The following PER1 variants were observed in gnomAD, a reference collection of about 807,000 sequenced individuals.
PER1 encodes period circadian protein homolog 1.
PER1 carries 87 observed loss-of-function variants against 125.9 expected under a neutral mutation model. The ratio of observed to expected loss-of-function variants is 0.69; its 90% CI spans 0.58 to 0.83. The LOEUF (loss-of-function observed/expected upper bound fraction) is 0.83, where lower values mean the gene tolerates loss of function less well. PER1 is among the 40% of genes least tolerant of loss of function. The probability of loss-of-function intolerance (pLI) is 0.00; values close to 1 mark genes in which losing one functional copy is unlikely to be tolerated. For synonymous variants in PER1, 801 were observed against 714.7 expected, an observed-to-expected ratio of 1.12 and a Z score of -1.93; for missense variants, 1,775 against 1,722.8, an observed-to-expected ratio of 1.03 and a Z score of -0.54.
At chr17:8,145,624 C>T (rs901608242) in intron 17 of PER1, among the ~76,000 whole-genome samples, 2 of 152,076 alleles carry the variant, frequency 1.3e-5, no homozygotes, top group African/African-American at 4.8e-5. Flanking sequence ...ATGCCCAGCC[C>T]CTCATGATTT....
chr17:8,144,869 G>A lies in PER1; in HGVS notation c.2343C>T (p.Ala781=), dbSNP rs537123990. The change falls in exon 18 of 23, where the codon GCC becomes GCT. Residue 781 remains alanine (A), a synonymous_variant. Transcript: ENST00000317276. ...DAYRPVGLTK[A]VLSLHTQKEE... ...CCTTCTGTGTGTGCAGGGACAGCACGGCCTTGGTCAGCCCCACTGGACGGT... is the reference window on the plus strand; with the variant it reads ...CCTTCTGTGTGTGCAGGGACAGCACAGCCTTGGTCAGCCCCACTGGACGGT... The A allele has an allele frequency of 3.8e-6, 6 of 1,580,314 alleles. No homozygotes were observed. The Admixed American group carries it at 5.2e-5, about 14-fold the overall frequency.
At position 8,148,222 on chromosome 17, in the gene PER1, C is replaced by T. The variant is rs767551057; in HGVS notation, c.1086G>A (p.Thr362=). 1.3e-5 allele frequency: 21 copies of T among 1,613,960 alleles called. 1 individual carries two copies. Among genetic ancestry groups the T allele is most frequent in the East Asian group, 4.5e-5 (2 of 44,880 alleles). ...RIPPDKRIFT[T]RHTPSCLFQD... is the part of the protein sequence containing the mutation. Reference sequence around the variant, plus strand: ...GGAAGAGGCAGCTGGGTGTGTGCCGCGTAGTGAAAATCCTCTTGTCAGGGG... The same window carrying T: ...GGAAGAGGCAGCTGGGTGTGTGCCGTGTAGTGAAAATCCTCTTGTCAGGGG... The change falls in exon 9 of 23, where the codon ACG becomes ACA. Residue 362 remains threonine (T), a synonymous_variant. Transcript: ENST00000317276.
rs1982259741 is a variant in PER1 at position 8,143,879 on chromosome 17, G to A, written c.2462-3C>T. 3 of 1,605,162 alleles carry A rather than the reference G, an allele frequency of 1.9e-6. No homozygotes were observed. Among genetic ancestry groups the A allele is most frequent in the African/African-American group, 1.3e-5 (1 of 74,780 alleles). ...GGGTGCGGGGCCGTGGTGGCAGCCT[G>A]TGGGGAGAGACTAGGGTTAGCAAGG... is the stretch of plus-strand genomic sequence containing the variant. On this transcript the variant is annotated splice_polypyrimidine_tract_variant and splice_region_variant and intron_variant, in intron 18 of 22. Coordinates refer to ENST00000317276, the MANE Select transcript of PER1 (RefSeq NM_002616.3).
At position 8,144,831 on chromosome 17, in the gene PER1, A is replaced by T; in HGVS notation, c.2381T>A (p.Phe794Tyr). 1 of 1,586,286 alleles carries T rather than the reference A, an allele frequency of 6.3e-7. No individual in the cohort carries two copies. The part of the protein sequence containing the change: ...SLHTQKEEQA[F>Y]LSRFRDLGRL... Reference sequence around the variant, plus strand: ...GCCCAGGTCTCGGAAGCGGCTGAGGAAGGCTTGCTCTTCCTTCTGTGTGTG... The same window carrying T: ...GCCCAGGTCTCGGAAGCGGCTGAGGTAGGCTTGCTCTTCCTTCTGTGTGTG... The change falls in exon 18 of 23, where the codon TTC becomes TAC. Residue 794 changes from phenylalanine to tyrosine, a missense_variant. Coordinates refer to ENST00000317276, the MANE Select transcript of PER1 (RefSeq NM_002616.3).
intron 1 of PER1, among the ~76,000 whole-genome samples, chr17:8,151,355 G>A (rs760354298): frequency 6.6e-6 from 1 of 152,246 alleles, no homozygotes. Flanking sequence ...GGTTGCTGGA[G>A]GGACCACAGG....
At chr17:8,148,321 A>G (rs10462024) in intron 8 of PER1, 62 bp from the exon 9 acceptor site, 546,384 of 1,365,092 alleles carry the variant, frequency 0.4, 114,865 homozygotes, top group South Asian at 0.52. Context: ...TCAGCCCTCC[A>G]CTCTGCCTGG....
chr17:8,145,049 C>A (rs1982343176), intron 17 of PER1, 56 bp from the exon 18 acceptor site: 7 of 1,390,542 alleles, frequency 5.0e-6, no homozygotes, highest in Non-Finnish European at 6.5e-6. Context: ...GTCAACACAT[C>A]CATACCACAC....
chr17:8,142,684 G>A lies in PER1; in HGVS notation c.3224C>T (p.Ser1075Phe), dbSNP rs1430949545. 3.1e-6 allele frequency: 5 copies of A among 1,614,012 alleles called. No individual in the cohort carries two copies. The highest frequency in any genetic ancestry group is 2.2e-5 in the South Asian group (2 of 91,084). Residue 1075 changes from serine (S) to phenylalanine (F), a missense_variant, in exon 20 of 23, where the codon TCC (serine) becomes TTC (phenylalanine). Coordinates refer to ENST00000317276, the MANE Select transcript of PER1 (RefSeq NM_002616.3). ...GGCTGAGGTGCTGCCCCCTTCATGG[G>A]AGCCTGAACCAGACCCAGAGCCCAA... ...SGLGSGSGSG[S>F]HEGGSTSASI...
rs769308478 is a variant in PER1, at chr17:8,147,527, G to A, written c.1440C>T (p.Pro480=). The A allele has an allele frequency of 6.2e-7, 1 of 1,613,788 alleles. No homozygotes were observed. The highest frequency in any genetic ancestry group is 1.3e-5 in the African/African-American group (1 of 74,916). ...VFTPPAPSPA[P]SLDTDIQELS... is the part of the protein sequence containing the mutation. ...GCTCCTGGATATCAGTGTCCAGGGAGGGAGCTGGGCTGGGGGCCGGGGGAG... is the reference window on the plus strand; with the variant it reads ...GCTCCTGGATATCAGTGTCCAGGGAAGGAGCTGGGCTGGGGGCCGGGGGAG... The change falls in exon 12 of 23, where the codon CCC becomes CCT. Residue 480 remains proline (P), a synonymous_variant. Coordinates refer to ENST00000317276, the MANE Select transcript of PER1 (RefSeq NM_002616.3).
chr17:8,144,648 G>T, intron 18 of PER1, 103 bp downstream of exon 18: 1 of 1,461,610 alleles, frequency 6.8e-7, no homozygotes, highest in Non-Finnish European at 9.3e-7. Flanking sequence ...AGCAACACCA[G>T]CCTGGGTCCC....
Position 8,146,581 on chromosome 17 carries a change from T to TG in PER1, c.1907+12dup. ...TAGAGCCCGAGGTGGAGAAGATGCC[T>TG]GGCAGGCCTTACCTGAGGATGCTGT... On this transcript the variant is annotated intron_variant, in intron 15 of 22. Coordinates refer to ENST00000317276, the MANE Select transcript of PER1 (RefSeq NM_002616.3). 1 of 1,604,534 alleles carries TG rather than the reference T, an allele frequency of 6.2e-7. No individual in the cohort carries two copies. Among genetic ancestry groups the TG allele is most frequent in the Non-Finnish European group, 8.5e-7 (1 of 1,174,132 alleles).
intron 21 of PER1, 97 bp downstream of exon 21, chr17:8,142,172 G>A (rs73972701): frequency 8.8e-6 from 10 of 1,141,556 alleles, no homozygotes; most frequent in African/African-American, 6.2e-5. Context: ...AGATAGAAAC[G>A]TTTATCCTAT....
chr17:8,151,481 A>G (rs561818395), intron 1 of PER1, among the ~76,000 whole-genome samples: 1 of 152,026 alleles, frequency 6.6e-6, no homozygotes, highest in Non-Finnish European at 1.5e-5. Flanking sequence ...CCCCAGTCCC[A>G]GGATGGCTCG....
At chr17:8,148,972 T>G in intron 7 of PER1, 186 bp from the exon 8 acceptor site, 1 of 677,202 alleles carries the variant, frequency 1.5e-6, no homozygotes, top group Non-Finnish European at 2.5e-6. Context: ...GCGGATCACC[T>G]GAGGTCAGGA....
At chr17:8,151,513 G>T (rs544179092) in intron 1 of PER1, among the ~76,000 whole-genome samples, 1 of 152,234 alleles carries the variant, frequency 6.6e-6, no homozygotes, top group East Asian at 1.9e-4. Context: ...AAGTGGGACG[G>T]CCTATTAGGA....
Position 8,146,149 on chromosome 17 carries a change from G to C in PER1, c.2039-12C>G. The C allele has an allele frequency of 6.3e-7, 1 of 1,576,938 alleles. No individual in the cohort carries two copies. The highest frequency in any genetic ancestry group is 8.6e-7 in the Non-Finnish European group (1 of 1,161,122). The stretch of plus-strand genomic sequence containing the variant: ...TGCTGACGGCGGATCTGTGCAGAGA[G>C]ATGGTGCCAGTTACCATCCCCACCC... On this transcript the variant is annotated splice_polypyrimidine_tract_variant and intron_variant, in intron 16 of 22. Transcript: ENST00000317276.
rs755250289 is a variant in PER1, at chr17:8,146,118, C to G, written c.2058G>C (p.Leu686=). The G allele has an allele frequency of 6.2e-7, 1 of 1,608,232 alleles. No homozygotes were observed. Among genetic ancestry groups the G allele is most frequent in the Non-Finnish European group, 8.5e-7 (1 of 1,177,142 alleles). ...TCCGTGGGGTGGCCCCCTCCCCAGA[C>G]AGCGCTGCTGACGGCGGATCTGTGC... ...GTKKDPPSAA[L]SGEGATPRKE... Residue 686 remains leucine, a synonymous_variant, in exon 17 of 23, where the codon CTG becomes CTC. Transcript: ENST00000317276.
At position 8,147,981 on chromosome 17, in the gene PER1, G is replaced by A. The variant is rs1156693736; in HGVS notation, c.1234+16C>T. On this transcript the variant is annotated intron_variant, in intron 10 of 22. Coordinates refer to ENST00000317276, the MANE Select transcript of PER1 (RefSeq NM_002616.3). ...CCAGGACAGTGGGAAGGGCGAGCAG[G>A]GCGAGAGGAACTCACTCTTCTTGTG... The A allele has an allele frequency of 1.9e-6, 3 of 1,605,164 alleles. No individual in the cohort carries two copies. The highest frequency in any genetic ancestry group is 1.3e-5 in the African/African-American group (1 of 74,916).
chr17:8,148,135 G>A, intron 9 of PER1, 32 bp from the exon 10 acceptor site: 1 of 1,611,390 alleles, frequency 6.2e-7, no homozygotes, highest in Non-Finnish European at 8.5e-7. Context: ...GAGTGGCCGT[G>A]GCCTCAGCCC....
Sources: allele counts gnomAD v4.1 joint callset (sites outside exome capture counted in the v4.1 genomes callset), GRCh38; gene constraint gnomAD v4.1.1; transcripts MANE v1.5; gene names NCBI Gene and HGNC (gene_info 2026-07-23, HGNC 2026-07-21).